KLHL26: variants seen among roughly 807,000 people sequenced by gnomAD.
KLHL26 encodes kelch-like protein 26.
A neutral mutation model predicts 7.1 loss-of-function variants in KLHL26; 4 were observed. That is an observed-to-expected ratio of 0.56 (90% CI 0.28 to 1.28). The LOEUF (loss-of-function observed/expected upper bound fraction) is 1.28. Ranked by LOEUF, KLHL26 falls within the 50% of genes most tolerant of loss-of-function variation. KLHL26 has a pLI of 0.11. For missense variants in KLHL26, 896 were observed against 924.6 expected, an observed-to-expected ratio of 0.97 and a Z score of 0.40; for synonymous variants, 465 against 414.1, an observed-to-expected ratio of 1.12 and a Z score of -1.49.
rs767596814 is a variant in KLHL26 at position 18,668,175 on chromosome 19, G to A, written c.778G>A (p.Glu260Lys). Reference sequence around the variant, plus strand: ...TCGCTTCCCGCTCATGCAGTCGTCCGAGCTGGTGGACAGCGTGCAGACGCT... The same window carrying A: ...TCGCTTCCCGCTCATGCAGTCGTCCAAGCTGGTGGACAGCGTGCAGACGCT... ...HIRFPLMQSS[E>K]LVDSVQTLDI... The change falls in exon 3 of 3, where the codon GAG becomes AAG. Residue 260 changes from glutamate to lysine, a missense_variant. Transcript: ENST00000300976. 6.2e-7 allele frequency: 1 copy of A among 1,610,410 alleles called. No individual in the cohort carries two copies. The highest frequency in any genetic ancestry group is 8.5e-7 in the Non-Finnish European group (1 of 1,179,770).
At chr19:18,638,998 G>T (rs1976665778) in intron 1 of KLHL26, among the ~76,000 whole-genome samples, 1 of 152,136 alleles carries the variant, frequency 6.6e-6, no homozygotes, top group Admixed American at 6.5e-5. Flanking sequence ...ACCATGCTGG[G>T]CATGGCTCTT....
At chr19:18,666,360 C>T (rs2052447849) in intron 2 of KLHL26, among the ~76,000 whole-genome samples, 1 of 152,188 alleles carries the variant, frequency 6.6e-6, no homozygotes, top group Admixed American at 6.5e-5. Context: ...GGGATGTTCC[C>T]TCCTCCTCGG....
intron 1 of KLHL26, among the ~76,000 whole-genome samples, chr19:18,637,906 C>T (rs1267366706): frequency 1.3e-5 from 2 of 152,154 alleles, no homozygotes; most frequent in Non-Finnish European, 2.9e-5. Flanking sequence ...AGAGGGAGGC[C>T]CCCTTTCCCC....
At chr19:18,653,068 GATC>G (rs2052277372) in intron 1 of KLHL26, among the ~76,000 whole-genome samples, 1 of 152,062 alleles carries the variant, frequency 6.6e-6, no homozygotes, top group Non-Finnish European at 1.5e-5. Flanking sequence ...TGGGTCCTAT[GATC>G]ATCACCATGA....
At chr19:18,658,081 G>C (rs909074737) in intron 1 of KLHL26, among the ~76,000 whole-genome samples, 2 of 150,358 alleles carry the variant, frequency 1.3e-5, no homozygotes, top group African/African-American at 2.5e-5. Context: ...CCAAGAGCCA[G>C]TGAGGACTGC....
intron 2 of KLHL26, among the ~76,000 whole-genome samples, chr19:18,666,302 C>T (rs1305473879): frequency 6.6e-6 from 1 of 151,964 alleles, no homozygotes; most frequent in East Asian, 1.9e-4. Context: ...GCCTGGCTCA[C>T]AGGAGGTGCA....
At chr19:18,642,838 AT>A (rs528294231) in intron 1 of KLHL26, among the ~76,000 whole-genome samples, 74 of 144,188 alleles carry the variant, frequency 5.1e-4, no homozygotes, top group South Asian at 6.7e-4. Context: ...AACACACCTA[AT>A]TTTTTTTTTT....
chr19:18,669,054 G>C lies in KLHL26; in HGVS notation c.1657G>C (p.Gly553Arg). ...CATGCGGGCCGGCCAGTCAGAGGCC[G>C]GCTGCTGCCTGCTGGAGAGGAAGAT... Reference protein sequence around the residue: ...SPMRAGQSEAGCCLLERKIYI... With the variant: ...SPMRAGQSEARCCLLERKIYI... The change falls in exon 3 of 3, where the codon GGC becomes CGC. Residue 553 changes from glycine (G) to arginine (R), a missense_variant. Physicochemically the swap from Gly to Arg is moderately radical, Grantham distance 125 (BLOSUM62 -2). Transcript: ENST00000300976. 6.2e-7 allele frequency: 1 copy of C among 1,612,810 alleles called. No individual in the cohort carries two copies. The highest frequency in any genetic ancestry group is 8.5e-7 in the Non-Finnish European group (1 of 1,179,910).
rs987301920 is a variant in KLHL26, at chr19:18,637,059, C to T, written c.5C>T (p.Ala2Val). Residue 2 changes from alanine to valine, a missense_variant, in exon 1 of 3, where the codon GCG becomes GTG. Ala to Val is a moderately conservative substitution (Grantham distance 64, BLOSUM62 0). Coordinates refer to ENST00000300976, the MANE Select transcript of KLHL26 (RefSeq NM_018316.3). Reference sequence around the variant, plus strand: ...ACGCGCGACGGCGGGGGGAAGATGGCGGAGTCCGGCGGTAGCAGCGGTGGT... The same window carrying T: ...ACGCGCGACGGCGGGGGGAAGATGGTGGAGTCCGGCGGTAGCAGCGGTGGT... M[A>V]ESGGSSGGAG... 7.3e-7 allele frequency: 1 copy of T among 1,369,380 alleles called. No individual in the cohort carries two copies. The highest frequency in any genetic ancestry group is 9.5e-7 in the Non-Finnish European group (1 of 1,057,764). 84.8% of individuals were successfully genotyped at this position (1,369,380 alleles called of 1,614,324 possible).
Position 18,669,061 on chromosome 19 carries a change from G to C in KLHL26, c.1664G>C (p.Cys555Ser), listed in dbSNP as rs769767964. 1.9e-6 allele frequency: 3 copies of C among 1,612,826 alleles called. No homozygotes were observed. The South Asian group carries it at 3.3e-5, about 18-fold the overall frequency. ...MRAGQSEAGC[C>S]LLERKIYIVG... ...GCCGGCCAGTCAGAGGCCGGCTGCT[G>C]CCTGCTGGAGAGGAAGATCTACATC... The change falls in exon 3 of 3, where the codon TGC (cysteine) becomes TCC (serine). Residue 555 changes from cysteine to serine, a missense_variant. Coordinates refer to ENST00000300976, the MANE Select transcript of KLHL26 (RefSeq NM_018316.3).
chr19:18,653,982 C>T (rs1314840173), intron 1 of KLHL26, among the ~76,000 whole-genome samples: 1 of 103,808 alleles, frequency 9.6e-6, no homozygotes, highest in Non-Finnish European at 2.0e-5. Context: ...CATCCACCCA[C>T]GCTTCCATCA....
chr19:18,665,213 C>T (rs183101923), intron 2 of KLHL26, among the ~76,000 whole-genome samples: 1 of 152,168 alleles, frequency 6.6e-6, no homozygotes, highest in Admixed American at 6.5e-5. Context: ...CATGCCACCA[C>T]ACCTGGCTAA....
chr19:18,655,151 G>A (rs756241545), intron 1 of KLHL26, among the ~76,000 whole-genome samples: 6 of 152,154 alleles, frequency 3.9e-5, no homozygotes, highest in Admixed American at 1.3e-4. Context: ...GGCAGGCACC[G>A]CCCCTTCATC....
chr19:18,649,726 A>G lies in KLHL26; in HGVS notation c.83+12589A>G, dbSNP rs1050466731. 1.3e-5 allele frequency among the ~76,000 whole-genome samples: 2 copies of G among 151,698 alleles called. No homozygotes were observed. Among genetic ancestry groups the G allele is most frequent in the African/African-American group, 2.4e-5 (1 of 41,240 alleles). Reference sequence around the variant, plus strand: ...AGCTGTGCGGACCAGCTCTCTTAACACTTGTTAACCCCAGCCTCCAGTCCC... The same window carrying G: ...AGCTGTGCGGACCAGCTCTCTTAACGCTTGTTAACCCCAGCCTCCAGTCCC... On this transcript the variant is annotated intron_variant, in intron 1 of 2. Coordinates refer to ENST00000300976, the MANE Select transcript of KLHL26 (RefSeq NM_018316.3). This position sits in a 1 kb window ranked among gnomAD's most constrained non-coding sequence, Gnocchi z 4.0.
intron 1 of KLHL26, among the ~76,000 whole-genome samples, chr19:18,663,844 A>AG (rs2052416398): frequency 1.2e-5 from 1 of 83,634 alleles, no homozygotes; most frequent in African/African-American, 4.8e-5. Context: ...TCTGGGGTGC[A>AG]GGGGGCTGTG....
chr19:18,658,343 C>T (rs943111378), intron 1 of KLHL26, among the ~76,000 whole-genome samples: 1 of 151,842 alleles, frequency 6.6e-6, no homozygotes, highest in African/African-American at 2.4e-5. Context: ...GATTCCAGGC[C>T]CCCCACAGCT....
At chr19:18,655,412 C>T (rs760232114) in intron 1 of KLHL26, among the ~76,000 whole-genome samples, 12 of 152,202 alleles carry the variant, frequency 7.9e-5, no homozygotes, top group African/African-American at 1.4e-4. Context: ...GACCAGCACC[C>T]GTGTGTTGGC....
intron 1 of KLHL26, 76 bp downstream of exon 1, chr19:18,637,213 G>C: frequency 8.1e-7 from 1 of 1,229,548 alleles, no homozygotes; most frequent in Non-Finnish European, 1.0e-6. Context: ...TGGGCGTCCT[G>C]AGGGGTTGAG....
At chr19:18,644,437 G>T (rs999163579) in intron 1 of KLHL26, among the ~76,000 whole-genome samples, 3 of 152,148 alleles carry the variant, frequency 2.0e-5, no homozygotes, top group African/African-American at 7.2e-5. Flanking sequence ...AATTGCTGGG[G>T]CGCATGCTTG....
Sources: allele counts gnomAD v4.1 joint callset (sites outside exome capture counted in the v4.1 genomes callset), GRCh38; gene constraint gnomAD v4.1.1; non-coding constraint Gnocchi (gnomAD v3.1); transcripts MANE v1.5; gene names NCBI Gene and HGNC (gene_info 2026-07-23, HGNC 2026-07-21).